Variants in RASGRF2 observed in about 807,000 individuals in gnomAD.
RASGRF2 encodes Ras protein specific guanine nucleotide releasing factor 2.
In RASGRF2, 76 loss-of-function variants were observed where a neutral mutation model predicts 151.0. The observed-to-expected ratio is 0.50, with a 90% CI of 0.42 to 0.61. The LOEUF (loss-of-function observed/expected upper bound fraction) is 0.61, where lower values mean the gene tolerates loss of function less well. Among genes scored for constraint, RASGRF2 ranks in the 20% least tolerant of loss-of-function variants. The pLI is 0.00. For synonymous variants in RASGRF2, 504 were observed against 566.5 expected, an observed-to-expected ratio of 0.89 and a Z score of 1.57; for missense variants, 1,148 against 1,564.6, an observed-to-expected ratio of 0.73 and a Z score of 4.49.
chr5:81,104,685 T>A (rs77939243), intron 12 of RASGRF2, among the ~76,000 whole-genome samples: 5,110 of 152,298 alleles, frequency 0.034, 256 homozygotes, highest in African/African-American at 0.11. Flanking sequence ...GCTGTTTATA[T>A]GTAACACTGT....
rs1228814904 is a variant in RASGRF2 at position 81,076,554 on chromosome 5, T to C, written c.887+3102T>C. Among the ~76,000 whole-genome samples, 4 of 148,178 alleles carry C rather than the reference T, an allele frequency of 2.7e-5. No homozygotes were observed. In the East Asian group the frequency reaches 8.1e-4, roughly 30 times the overall value. ...AAGGATTAGTACATGGACACTTCCG[T>C]AGTTAGGAGGCAAGGACATCCGCTG... On this transcript the variant is annotated intron_variant, in intron 5 of 26. Coordinates refer to ENST00000265080, the MANE Select transcript of RASGRF2 (RefSeq NM_006909.3).
intron 15 of RASGRF2, among the ~76,000 whole-genome samples, chr5:81,116,222 A>G (rs1399655636): frequency 6.6e-6 from 1 of 151,828 alleles, no homozygotes; most frequent in East Asian, 1.9e-4. Context: ...AGCTGGGATT[A>G]CAGGCACGCA....
intron 12 of RASGRF2, among the ~76,000 whole-genome samples, chr5:81,107,196 CAAAAA>C (rs35987554): frequency 2.1e-5 from 2 of 94,324 alleles, no homozygotes; most frequent in African/African-American, 4.2e-5. Flanking sequence ...CCTGTCTCTA[CAAAAA>C]AAAAAAAAAA....
chr5:81,127,164 G>A lies in RASGRF2; in HGVS notation c.2686+1G>A. 6.2e-7 allele frequency: 1 copy of A among 1,612,750 alleles called. No individual in the cohort carries two copies. The highest frequency in any genetic ancestry group is 8.5e-7 in the Non-Finnish European group (1 of 1,178,888). ...GCAGCAGGACATGGGAGTCCACCAG[G>A]TGAGTAGGGGAGCAGCTATGTACAG... On this transcript the variant is annotated splice_donor_variant, in intron 17 of 26. Coordinates refer to ENST00000265080, the MANE Select transcript of RASGRF2 (RefSeq NM_006909.3). LOFTEE classifies it high-confidence loss of function.
intron 2 of RASGRF2, among the ~76,000 whole-genome samples, chr5:81,053,886 G>A (rs1204759317): frequency 1.3e-5 from 2 of 152,206 alleles, no homozygotes; most frequent in African/African-American, 2.4e-5. Flanking sequence ...GTGATGGTGA[G>A]CATTTTTTCA....
At chr5:81,127,294 C>G in intron 17 of RASGRF2, 131 bp downstream of exon 17, 1 of 888,488 alleles carries the variant, frequency 1.1e-6, no homozygotes, top group East Asian at 2.7e-5. Flanking sequence ...GAAGCCGAAG[C>G]AGAAGGATTG....
chr5:81,038,313 G>A (rs967849571), intron 1 of RASGRF2, among the ~76,000 whole-genome samples: 3 of 152,136 alleles, frequency 2.0e-5, no homozygotes, highest in African/African-American at 7.2e-5. Context: ...GTGCCAATTT[G>A]TGCAGCCATA....
chr5:81,217,597 T>G, intron 25 of RASGRF2, 124 bp downstream of exon 25: 2 of 725,992 alleles, frequency 2.8e-6, no homozygotes, highest in African/African-American at 2.0e-5. Flanking sequence ...TTTTTTTTTT[T>G]GAGAAACAAT....
At chr5:81,082,730 ATTGAGGCTTTCTGGC>A (rs1752122203) in intron 7 of RASGRF2, among the ~76,000 whole-genome samples, 1 of 152,216 alleles carries the variant, frequency 6.6e-6, no homozygotes, top group Non-Finnish European at 1.5e-5. Flanking sequence ...TGGGTCAGAT[ATTGAGGCTTTCTGGC>A]TTTTGCCAGA....
intron 1 of RASGRF2, among the ~76,000 whole-genome samples, chr5:80,995,204 C>T (rs1397460715): frequency 4.8e-5 from 7 of 145,896 alleles, no homozygotes; most frequent in Non-Finnish European, 8.9e-5. Flanking sequence ...TGCAGTGAGC[C>T]GAGATCGCGC....
At position 81,080,625 on chromosome 5, in the gene RASGRF2, C is replaced by G; in HGVS notation, c.997C>G (p.Leu333Val). The change falls in exon 7 of 27, where the codon CTG (leucine) becomes GTG (valine). Residue 333 changes from leucine (L) to valine (V), a missense_variant. This residue lies in a region of RASGRF2 where 176 missense variants were observed against 309.6 expected (regional missense o/e 0.57). Coordinates refer to ENST00000265080, the MANE Select transcript of RASGRF2 (RefSeq NM_006909.3). The stretch of plus-strand genomic sequence containing the variant: ...TCTGTTTGATATTTTGCTCCCCATG[C>G]TGAACATTTATCAAGAATTTGTGCG... ...ADLFDILLPM[L>V]NIYQEFVRNH... 1 of 1,614,056 alleles carries G rather than the reference C, an allele frequency of 6.2e-7. No individual in the cohort carries two copies. The highest frequency in any genetic ancestry group is 8.5e-7 in the Non-Finnish European group (1 of 1,179,930).
chr5:81,044,784 G>T (rs1208564158), intron 2 of RASGRF2, among the ~76,000 whole-genome samples: 2 of 151,886 alleles, frequency 1.3e-5, no homozygotes, highest in African/African-American at 4.8e-5. Context: ...TTTAGCTAAT[G>T]TTCAATATTG....
chr5:81,083,690 A>C (rs1752149865), intron 7 of RASGRF2, among the ~76,000 whole-genome samples: 4 of 152,228 alleles, frequency 2.6e-5, no homozygotes, highest in Admixed American at 2.6e-4. Flanking sequence ...GTACTGTTTA[A>C]ATTGGCTTCA....
chr5:80,961,101 G>T, intron 1 of RASGRF2, 75 bp downstream of exon 1: 1 of 1,370,788 alleles, frequency 7.3e-7, no homozygotes, highest in Non-Finnish European at 9.5e-7. Context: ...CCGGGGATCA[G>T]GGGTCGGGGG....
At chr5:81,093,096 G>A (rs1390606768) in intron 10 of RASGRF2, 135 bp downstream of exon 10, 2 of 928,510 alleles carry the variant, frequency 2.2e-6, no homozygotes, top group Non-Finnish European at 1.6e-6. Flanking sequence ...GTGAGGTAAT[G>A]TACTGTTACC....
At chr5:80,988,999 A>G (rs1457317217) in intron 1 of RASGRF2, among the ~76,000 whole-genome samples, 7 of 150,964 alleles carry the variant, frequency 4.6e-5, no homozygotes, top group Non-Finnish European at 1.5e-5. Context: ...TTTTTTTTAG[A>G]CAGAGTCTCG....
chr5:81,136,878 G>T (rs1753766600), intron 17 of RASGRF2, among the ~76,000 whole-genome samples: 1 of 151,868 alleles, frequency 6.6e-6, no homozygotes, highest in Admixed American at 6.6e-5. Context: ...TCTTCCCTCA[G>T]CTATGTTGAG....
At chr5:81,195,334 A>T (rs1755240510) in intron 18 of RASGRF2, among the ~76,000 whole-genome samples, 1 of 152,192 alleles carries the variant, frequency 6.6e-6, no homozygotes, top group Non-Finnish European at 1.5e-5. Flanking sequence ...CATGCCGGAC[A>T]ATTACAACAT....
At chr5:81,225,532 AC>A in intron 26 of RASGRF2, 145 bp from the exon 27 acceptor site, 1 of 1,272,866 alleles carries the variant, frequency 7.9e-7, no homozygotes, top group Non-Finnish European at 1.0e-6. Flanking sequence ...TTTTTTTTTA[AC>A]AATGGAAACA....
Sources: gnomAD v4.1 joint callset for allele counts (sites outside exome capture counted in the v4.1 genomes callset) on GRCh38, gnomAD v4.1.1 for gene constraint, gnomAD v4.1.1 regional missense constraint, MANE v1.5 for transcripts, NCBI Gene and HGNC (gene_info 2026-07-23, HGNC 2026-07-21) for gene names.